GDPD4: variants seen among roughly 807,000 people sequenced by gnomAD.
The protein encoded by GDPD4 is glycerophosphodiester phosphodiesterase 6.
A neutral mutation model predicts 67.8 loss-of-function variants in GDPD4; 60 were observed. The ratio of observed to expected loss-of-function variants is 0.88; its 90% CI spans 0.72 to 1.10. The LOEUF (loss-of-function observed/expected upper bound fraction) is 1.10. Ranked by LOEUF, GDPD4 falls within the 50% of genes least tolerant of loss-of-function variation. The pLI is 0.00. For synonymous variants in GDPD4, 212 were observed against 210.9 expected (o/e 1.00, Z -0.04); for missense variants, 623 against 613.9 (o/e 1.01, Z -0.16).
intron 10 of GDPD4, among the ~76,000 whole-genome samples, chr11:77,264,367 T>C (rs1196388003): frequency 2.0e-5 from 3 of 152,092 alleles, no homozygotes; most frequent in Non-Finnish European, 4.4e-5. Context: ...CAAATTCACT[T>C]TGGGGTGAAC....
intron 11 of GDPD4, among the ~76,000 whole-genome samples, chr11:77,252,217 C>A (rs1365159453): frequency 6.6e-6 from 1 of 151,948 alleles, no homozygotes; most frequent in Non-Finnish European, 1.5e-5. Context: ...CACATGCCAC[C>A]ACACCTGGCT....
At chr11:77,218,120 G>A (rs1958159697) in intron 16 of GDPD4, among the ~76,000 whole-genome samples, 1 of 149,546 alleles carries the variant, frequency 6.7e-6, no homozygotes, top group Non-Finnish European at 1.5e-5. Context: ...CAGCTTTATA[G>A]GAGAAAGGGA....
At chr11:77,289,497 G>A (rs919791169) in intron 1 of GDPD4, among the ~76,000 whole-genome samples, 1 of 147,426 alleles carries the variant, frequency 6.8e-6, no homozygotes, top group Non-Finnish European at 1.5e-5. Flanking sequence ...CGAGGCAGGG[G>A]GTGGGGGGAA....
rs1360950475 is a variant in GDPD4, at chr11:77,245,510, C to G, written c.865-8G>C. On this transcript the variant is annotated splice_region_variant and splice_polypyrimidine_tract_variant and intron_variant, in intron 11 of 16. Transcript: ENST00000315938. ...ATTGTAAAATGGCCTGAGCTAGAAA[C>G]AAATACATCAAAAAATACATAAAAG... 1.3e-6 allele frequency: 2 copies of G among 1,594,284 alleles called. No homozygotes were observed.
At position 77,256,329 on chromosome 11, in the gene GDPD4, A is replaced by G. The variant is rs1959003872; in HGVS notation, c.864+2057T>C. On this transcript the variant is annotated intron_variant, in intron 11 of 16. Coordinates refer to ENST00000315938, the MANE Select transcript of GDPD4 (RefSeq NM_182833.3). ...GAGCACCTCTAGTTTTTATGTGTCTATATATGAGACATATTGCAGACGCTA... is the reference window on the plus strand; with the variant it reads ...GAGCACCTCTAGTTTTTATGTGTCTGTATATGAGACATATTGCAGACGCTA... Among the ~76,000 whole-genome samples the G allele has an allele frequency of 3.3e-5, 5 of 152,236 alleles. No individual in the cohort carries two copies. In the South Asian group the frequency reaches 1.0e-3, roughly 32 times the overall value.
At chr11:77,228,121 A>T (rs1958378424) in intron 15 of GDPD4, among the ~76,000 whole-genome samples, 1 of 152,174 alleles carries the variant, frequency 6.6e-6, no homozygotes, top group South Asian at 2.1e-4. Flanking sequence ...CTGTAATGCC[A>T]GCACTTTGGG....
intron 11 of GDPD4, among the ~76,000 whole-genome samples, chr11:77,251,611 C>T (rs1219505256): frequency 6.6e-6 from 1 of 152,132 alleles, no homozygotes; most frequent in African/African-American, 2.4e-5. Context: ...TGATGCTTTT[C>T]TCTTGCTCTT....
At position 77,276,272 on chromosome 11, in the gene GDPD4, A is replaced by T. The variant is rs1335091911; in HGVS notation, c.148-52T>A. On this transcript the variant is annotated intron_variant, in intron 4 of 16. Coordinates refer to ENST00000315938, the MANE Select transcript of GDPD4 (RefSeq NM_182833.3). ...GTTATTTTGAAATCACCAAGTTGCC[A>T]CCCAAAGCACTGTTCCTATAGCTCC... 4 of 1,389,314 alleles carry T rather than the reference A, an allele frequency of 2.9e-6. No individual in the cohort carries two copies. The Admixed American group carries it at 6.7e-5, about 23-fold the overall frequency. 86.1% of individuals were successfully genotyped at this position (1,389,314 alleles called of 1,614,324 possible).
At chr11:77,275,535 T>G (rs184507118) in intron 5 of GDPD4, among the ~76,000 whole-genome samples, 3 of 152,100 alleles carry the variant, frequency 2.0e-5, no homozygotes, top group Admixed American at 6.5e-5. Context: ...AAAACACACA[T>G]AGAAAACGTC....
At chr11:77,247,526 G>T (rs1350505996) in intron 11 of GDPD4, among the ~76,000 whole-genome samples, 1 of 152,058 alleles carries the variant, frequency 6.6e-6, no homozygotes, top group Non-Finnish European at 1.5e-5. Context: ...AAAATAAACT[G>T]GAATGGATAA....
chr11:77,274,943 T>C (rs1014018200), intron 5 of GDPD4, among the ~76,000 whole-genome samples: 2 of 152,138 alleles, frequency 1.3e-5, no homozygotes, highest in Non-Finnish European at 2.9e-5. Flanking sequence ...GAACATACCA[T>C]TAGATAAAGA....
intron 16 of GDPD4, among the ~76,000 whole-genome samples, chr11:77,223,566 CTT>C (rs1160065988): frequency 6.6e-6 from 1 of 152,148 alleles, no homozygotes; most frequent in Non-Finnish European, 1.5e-5. Context: ...ACTCTGGAAG[CTT>C]TGTCTCAGAG....
intron 16 of GDPD4, among the ~76,000 whole-genome samples, chr11:77,224,630 T>A (rs1186885598): frequency 2.6e-5 from 4 of 152,170 alleles, no homozygotes; most frequent in African/African-American, 9.7e-5. Context: ...GAACTTTTAA[T>A]TCTGCTAACA....
chr11:77,243,775 A>T lies in GDPD4; in HGVS notation c.1160T>A (p.Leu387Ter). 6.2e-7 allele frequency: 1 copy of T among 1,612,972 alleles called. No individual in the cohort carries two copies. Among genetic ancestry groups the T allele is most frequent in the Non-Finnish European group, 8.5e-7 (1 of 1,178,928 alleles). Reference protein sequence around the residue: ...VAPGFQHVGRLVSIETLAKNN... With the variant: ...VAPGFQHVGR The stretch of plus-strand genomic sequence containing the variant: ...TTTAGCAAGGGTTTCAATGGATACT[A>T]AACGGCCCACATGCTGAAAACCAGG... The change falls in exon 13 of 17, where the codon TTA becomes TAA. Residue 387 changes from leucine (L) to a stop codon, truncating the protein, a stop_gained. Coordinates refer to ENST00000315938, the MANE Select transcript of GDPD4 (RefSeq NM_182833.3). LOFTEE classifies it high-confidence loss of function.
intron 1 of GDPD4, 135 bp downstream of exon 1, chr11:77,301,470 A>G (rs926427165): frequency 6.6e-6 from 1 of 152,160 alleles, no homozygotes; most frequent in Admixed American, 6.5e-5. Flanking sequence ...TCGAGAGGGG[A>G]CACAAACGAC....
At chr11:77,240,702 T>C (rs1958645991) in intron 13 of GDPD4, among the ~76,000 whole-genome samples, 1 of 151,880 alleles carries the variant, frequency 6.6e-6, no homozygotes, top group Non-Finnish European at 1.5e-5. Flanking sequence ...AGAAAACCTA[T>C]GAAATGGGAG....
rs188107844 is a variant in GDPD4 at position 77,224,878 on chromosome 11, G to A, written c.1525+2986C>T. Among the ~76,000 whole-genome samples, 1,289 of 151,664 alleles carry A rather than the reference G, an allele frequency of 8.5e-3. 30 individuals are homozygous for A. The highest frequency in any genetic ancestry group is 0.03 in the African/African-American group (1,224 of 41,362). On this transcript the variant is annotated intron_variant, in intron 16 of 16. Transcript: ENST00000315938. Reference sequence around the variant, plus strand: ...GTGCTTTAGGAGGCCAAGGCAAGCCGACTGCTTGAGGTCAGGAGTTTGAGA... The same window carrying A: ...GTGCTTTAGGAGGCCAAGGCAAGCCAACTGCTTGAGGTCAGGAGTTTGAGA...
At chr11:77,249,098 C>G (rs1044310634) in intron 11 of GDPD4, among the ~76,000 whole-genome samples, 1 of 151,032 alleles carries the variant, frequency 6.6e-6, no homozygotes, top group African/African-American at 2.4e-5. Context: ...AACCCTGTCT[C>G]TACTAAAAAT....
At chr11:77,251,492 C>A (rs2135851630) in intron 11 of GDPD4, among the ~76,000 whole-genome samples, 1 of 152,298 alleles carries the variant, frequency 6.6e-6, no homozygotes, top group Non-Finnish European at 1.5e-5. Context: ...GTCAAATATT[C>A]TTGGCTGGCA....
Sources: gnomAD v4.1 joint callset for allele counts (sites outside exome capture counted in the v4.1 genomes callset) on GRCh38, gnomAD v4.1.1 for gene constraint, MANE v1.5 for transcripts, NCBI Gene and HGNC (gene_info 2026-07-23, HGNC 2026-07-21) for gene names.